The following SHISA7 variants were observed in gnomAD, a reference collection of about 807,000 sequenced individuals.
SHISA7 encodes shisa family member 7.
In SHISA7, 6 loss-of-function variants were observed where a neutral mutation model predicts 23.9. That is an observed-to-expected ratio of 0.25 (90% CI 0.14 to 0.50). The LOEUF is 0.50. SHISA7 is among the 20% of genes least tolerant of loss of function. The probability of loss-of-function intolerance (pLI) is 0.98; values close to 1 mark genes in which losing one functional copy is unlikely to be tolerated. For synonymous variants in SHISA7, 386 were observed against 398.3 expected (o/e 0.97, Z 0.37); for missense variants, 671 against 801.1 (o/e 0.84, Z 1.96).
chr19:55,438,502 A>G (rs1985521413), intron 2 of SHISA7: 2 of 1,288,852 alleles, frequency 1.6e-6, no homozygotes, highest in Non-Finnish European at 2.0e-6. Context: ...GGCTGGCCCA[A>G]CACAAAGGGG....
intron 3 of SHISA7, among the ~76,000 whole-genome samples, chr19:55,436,021 TCA>T (rs1172102282): frequency 6.6e-6 from 1 of 152,180 alleles, no homozygotes; most frequent in Non-Finnish European, 1.5e-5. Context: ...GCACGGTGGC[TCA>T]CACCTGTAAT....
Position 55,443,292 on chromosome 19 carries a change from G to C in SHISA7, c.-429C>G, listed in dbSNP as rs902756840. Among the ~76,000 whole-genome samples, 10 of 149,462 alleles carry C rather than the reference G, an allele frequency of 6.7e-5. No homozygotes were observed. The highest frequency in any genetic ancestry group is 1.2e-4 in the Non-Finnish European group (8 of 67,438). Reference sequence around the variant, plus strand: ...GAGGCGCGATGTAAGGAGAAGAAACGGGGGCGGCGAAGAGGAGAGGGCAGG... The same window carrying C: ...GAGGCGCGATGTAAGGAGAAGAAACCGGGGCGGCGAAGAGGAGAGGGCAGG... On this transcript the variant is annotated 5_prime_UTR_variant, in exon 1 of 4. Transcript: ENST00000376325.
intron 1 of SHISA7, 96 bp downstream of exon 1, chr19:55,442,097 G>T: frequency 8.1e-7 from 1 of 1,233,234 alleles, no homozygotes; most frequent in Non-Finnish European, 1.1e-6. Flanking sequence ...TGACCACCAC[G>T]CCCTATCCCT....
At chr19:55,434,917 GGTGT>G (rs537894800) in intron 3 of SHISA7, among the ~76,000 whole-genome samples, 1 of 124,916 alleles carries the variant, frequency 8.0e-6, no homozygotes, top group African/African-American at 3.1e-5. Context: ...GTGTATATGT[GGTGT>G]GTGTGTATAT....
chr19:55,430,725 C>A lies in SHISA7; in HGVS notation c.*2431G>T, dbSNP rs1376901087. The A allele has an allele frequency of 7.1e-6, 1 of 141,206 alleles. No homozygotes were observed. The highest frequency in any genetic ancestry group is 1.5e-5 in the Non-Finnish European group (1 of 65,550). 8.7% of individuals were successfully genotyped at this position (141,206 alleles called of 1,614,324 possible). A position where few individuals can be genotyped will look rare whatever the true frequency, so the allele number is the denominator to read the frequency against. On this transcript the variant is annotated 3_prime_UTR_variant, in exon 4 of 4. Coordinates refer to ENST00000376325, the MANE Select transcript of SHISA7 (RefSeq NM_001145176.2). ...TGGATCCTAGTGGATGGTGACAGCA[C>A]TGGACCTCATGGATCACGGATGATG... is the stretch of plus-strand genomic sequence containing the variant.
At chr19:55,434,944 T>A (rs1441040145) in intron 3 of SHISA7, among the ~76,000 whole-genome samples, 1 of 122,622 alleles carries the variant, frequency 8.2e-6, no homozygotes, top group African/African-American at 3.2e-5. Context: ...GGTGTGTGTA[T>A]GGTGTGTGGT....
intron 3 of SHISA7, among the ~76,000 whole-genome samples, chr19:55,434,846 T>TG (rs1394986692): frequency 5.9e-5 from 6 of 101,778 alleles, no homozygotes; most frequent in Admixed American, 1.1e-4. Flanking sequence ...GTGGTGTGTG[T>TG]GTGCGTGTGT....
Position 55,429,145 on chromosome 19 carries a change from C to G in SHISA7, c.*4011G>C, listed in dbSNP as rs1985105656. The G allele has an allele frequency of 6.6e-6, 1 of 152,314 alleles. No individual in the cohort carries two copies. Among genetic ancestry groups the G allele is most frequent in the African/African-American group, 2.4e-5 (1 of 41,440 alleles). 9.4% of individuals were successfully genotyped at this position (152,314 alleles called of 1,614,324 possible). A position where few individuals can be genotyped will look rare whatever the true frequency, so the allele number is the denominator to read the frequency against. ...GCTTATTTGAGATCAAATCAAGGCCCCAGGGTCAGGCAGCCTGTGCCAACT... is the reference window on the plus strand; with the variant it reads ...GCTTATTTGAGATCAAATCAAGGCCGCAGGGTCAGGCAGCCTGTGCCAACT... On this transcript the variant is annotated 3_prime_UTR_variant, in exon 4 of 4. Transcript: ENST00000376325.
At position 55,434,746 on chromosome 19, in the gene SHISA7, GGT is replaced by G. The variant is rs571748701; in HGVS notation, c.977-952_977-951del. 1.4e-4 allele frequency among the ~76,000 whole-genome samples: 16 copies of G among 110,364 alleles called. 1 individual carries two copies. The highest frequency in any genetic ancestry group is 3.8e-4 in the Admixed American group (4 of 10,490). 72.4% of individuals were successfully genotyped at this position (110,364 alleles called of 152,430 possible). On this transcript the variant is annotated intron_variant, in intron 3 of 3. Coordinates refer to ENST00000376325, the MANE Select transcript of SHISA7 (RefSeq NM_001145176.2). ...TGTGTGGTGTGTGTGGTGTATATGT[GGT>G]GTGTGTGGTGTGTGTGGTGTGTGGT...
chr19:55,433,202 A>G lies in SHISA7; in HGVS notation c.1571T>C (p.Leu524Pro). ...EQLQFIPGHH[L>P]PQHLRTASKN... ...GCTGGCCGTGCGCAGGTGCTGGGGC[A>G]GGTGGTGGCCCGGGATGAACTGCAG... Residue 524 changes from leucine to proline, a missense_variant, in exon 4 of 4, where the codon CTG becomes CCG. Coordinates refer to ENST00000376325, the MANE Select transcript of SHISA7 (RefSeq NM_001145176.2). The surrounding 1 kb of genome is among the most constrained non-coding windows in gnomAD (Gnocchi z 8.4). The G allele has an allele frequency of 6.5e-7, 1 of 1,529,340 alleles. No individual in the cohort carries two copies. Among genetic ancestry groups the G allele is most frequent in the East Asian group, 2.5e-5 (1 of 39,504 alleles). The allele number at this position is 1,529,340 out of a possible 1,614,324, so 94.7% of individuals were successfully genotyped here. A position where few individuals can be genotyped will look rare whatever the true frequency, so the allele number is the denominator to read the frequency against.
chr19:55,442,218 C>T lies in SHISA7; in HGVS notation c.646G>A (p.Ala216Thr). The change falls in exon 1 of 4, where the codon GCG (alanine) becomes ACG (threonine). Residue 216 changes from alanine (A) to threonine (T), a missense_variant. Transcript: ENST00000376325. ...CTGGGCACGTTGATATCCCGGTGCG[C>T]CCGGGGCGCACGGGACGCCTTGCTG... ...AFSKASRAPR[A>T]HRDINVPRAL... The T allele has an allele frequency of 6.5e-7, 1 of 1,534,250 alleles. No homozygotes were observed. Among genetic ancestry groups the T allele is most frequent in the Non-Finnish European group, 8.7e-7 (1 of 1,145,902 alleles).
chr19:55,437,599 A>G lies in SHISA7; in HGVS notation c.976+6T>C, dbSNP rs1181901434. ...TCACCGCCGCGCTGCCCTTGCCAGG[A>G]CTCACCCAGCCTCTTGAGGGAAGAG... On this transcript the variant is annotated splice_donor_region_variant and intron_variant, in intron 3 of 3. Coordinates refer to ENST00000376325, the MANE Select transcript of SHISA7 (RefSeq NM_001145176.2). The G allele has an allele frequency of 1.2e-5, 18 of 1,550,048 alleles. No individual in the cohort carries two copies. In the South Asian group the frequency reaches 1.4e-4, roughly 12 times the overall value.
rs1177476827 is a variant in SHISA7, at chr19:55,431,699, C to T, written c.*1457G>A. ...GAGTAGGTGTACCCCAAGCACCTCC[C>T]CCCAGTAGAAGGCTAGGACTTTGTT... On this transcript the variant is annotated 3_prime_UTR_variant, in exon 4 of 4. Transcript: ENST00000376325. 6.6e-6 allele frequency: 1 copy of T among 152,182 alleles called. No individual in the cohort carries two copies. The highest frequency in any genetic ancestry group is 2.1e-4 in the South Asian group (1 of 4,828). 9.4% of individuals were successfully genotyped at this position (152,182 alleles called of 1,614,324 possible). A position where few individuals can be genotyped will look rare whatever the true frequency, so the allele number is the denominator to read the frequency against.
Position 55,433,825 on chromosome 19 carries a change from C to T in SHISA7, c.977-29G>A. On this transcript the variant is annotated intron_variant, in intron 3 of 3. Transcript: ENST00000376325. This position sits in a 1 kb window ranked among gnomAD's most constrained non-coding sequence, Gnocchi z 8.4. ...CGGGGAGAGGGGGAAAAGCCACAGC[C>T]GTGGGTCCCCTGCGCATCTAGAGCC... 1 of 1,369,612 alleles carries T rather than the reference C, an allele frequency of 7.3e-7. No homozygotes were observed. The highest frequency in any genetic ancestry group is 9.4e-7 in the Non-Finnish European group (1 of 1,068,912). The allele number at this position is 1,369,612 out of a possible 1,614,324, so 84.8% of individuals were successfully genotyped here.
chr19:55,442,594 G>A lies in SHISA7; in HGVS notation c.270C>T (p.Gly90=). The A allele has an allele frequency of 6.9e-7, 1 of 1,456,856 alleles. No homozygotes were observed. The highest frequency in any genetic ancestry group is 9.1e-7 in the Non-Finnish European group (1 of 1,096,452). 90.2% of individuals were successfully genotyped at this position (1,456,856 alleles called of 1,614,324 possible). ...ELCHGYYDVM[G]QYDATFNCST... is the part of the protein sequence containing the mutation. The stretch of plus-strand genomic sequence containing the variant: ...TGCAGTTGAAGGTGGCGTCGTACTG[G>A]CCCATGACATCGTAGTAGCCGTGGC... The change falls in exon 1 of 4, where the codon GGC becomes GGT. Residue 90 remains glycine (G), a synonymous_variant. Coordinates refer to ENST00000376325, the MANE Select transcript of SHISA7 (RefSeq NM_001145176.2).
chr19:55,437,000 G>A (rs1985477658), intron 3 of SHISA7, among the ~76,000 whole-genome samples: 1 of 152,182 alleles, frequency 6.6e-6, no homozygotes, highest in Non-Finnish European at 1.5e-5. Context: ...TGTCAGCAAT[G>A]GGCCACGGAC....
intron 2 of SHISA7, 72 bp downstream of exon 2, chr19:55,440,539 G>T (rs1216198938): frequency 2.4e-6 from 3 of 1,229,240 alleles, no homozygotes; most frequent in South Asian, 4.2e-5. Flanking sequence ...GAGCCGCCAT[G>T]GAGGGCGGGG....
At chr19:55,438,919 A>G (rs1599874116) in intron 2 of SHISA7, among the ~76,000 whole-genome samples, 1 of 150,300 alleles carries the variant, frequency 6.7e-6, no homozygotes, top group Non-Finnish European at 1.5e-5. Flanking sequence ...TCGCCTTGCT[A>G]CCTCCCTCCA....
In SHISA7 at chr19:55,432,320, TG is replaced by T. The variant is rs1985226762; in HGVS notation, c.*835del. ...GTGCCATCTCAGAGCACATAGCATC[TG>T]GGCGACATCACAGAAGGGACCTCCT... On this transcript the variant is annotated 3_prime_UTR_variant, in exon 4 of 4. Transcript: ENST00000376325. This position sits in a 1 kb window ranked among gnomAD's most constrained non-coding sequence, Gnocchi z 4.6. 1 of 152,608 alleles carries T rather than the reference TG, an allele frequency of 6.6e-6. No homozygotes were observed. The highest frequency in any genetic ancestry group is 6.6e-5 in the Admixed American group (1 of 15,266). 9.5% of individuals were successfully genotyped at this position (152,608 alleles called of 1,614,324 possible). A position where few individuals can be genotyped will look rare whatever the true frequency, so the allele number is the denominator to read the frequency against.
Sources: gnomAD v4.1 joint callset for allele counts (sites outside exome capture counted in the v4.1 genomes callset) on GRCh38, gnomAD v4.1.1 for gene constraint, Gnocchi (gnomAD v3.1) non-coding constraint, MANE v1.5 for transcripts, NCBI Gene and HGNC (gene_info 2026-07-23, HGNC 2026-07-21) for gene names.